The following ABL1 variants were observed in gnomAD, a reference collection of about 807,000 sequenced individuals.
The protein encoded by ABL1 is tyrosine-protein kinase ABL1.
ABL1 carries 11 observed loss-of-function variants against 94.7 expected under a neutral mutation model. That is an observed-to-expected ratio of 0.12 (90% CI 0.07 to 0.19). ABL1 has a LOEUF of 0.19. Ranked by LOEUF, ABL1 falls within the 10% of genes least tolerant of loss-of-function variation. The pLI is 1.00. For missense variants in ABL1, 1,082 were observed against 1,489.4 expected, an observed-to-expected ratio of 0.73 and a Z score of 4.50; for synonymous variants, 656 against 622.4, an observed-to-expected ratio of 1.05 and a Z score of -0.80.
At chr9:130,864,658 C>G (rs1052457282) in intron 4 of ABL1, among the ~76,000 whole-genome samples, 1 of 152,182 alleles carries the variant, frequency 6.6e-6, no homozygotes, top group African/African-American at 2.4e-5. Context: ...TCATCTGAGA[C>G]ATAGGGTGGT....
At chr9:130,759,248 A>G (rs1033590770) in intron 1 of ABL1, among the ~76,000 whole-genome samples, 3 of 152,210 alleles carry the variant, frequency 2.0e-5, no homozygotes, top group African/African-American at 7.2e-5. Context: ...TTATGGTTGT[A>G]AGAGGATCAG....
chr9:130,718,334 A>AAG (rs1454930686), intron 1 of ABL1, among the ~76,000 whole-genome samples: 4 of 151,632 alleles, frequency 2.6e-5, no homozygotes, highest in African/African-American at 7.3e-5. Context: ...AAAAAAAAAA[A>AAG]AAAGAAACTA....
intron 8 of ABL1, among the ~76,000 whole-genome samples, chr9:130,879,746 A>G (rs995592552): frequency 6.6e-6 from 1 of 152,206 alleles, no homozygotes; most frequent in Non-Finnish European, 1.5e-5. Context: ...AAAGAACAAG[A>G]TAGAAGGTGA....
At position 130,863,886 on chromosome 9, in the gene ABL1, A is replaced by G. The variant is rs922047110; in HGVS notation, c.822+851A>G. 2.0e-5 allele frequency among the ~76,000 whole-genome samples: 3 copies of G among 152,168 alleles called. No individual in the cohort carries two copies. The highest frequency in any genetic ancestry group is 2.9e-5 in the Non-Finnish European group (2 of 68,028). On this transcript the variant is annotated intron_variant, in intron 4 of 10. Coordinates refer to ENST00000318560, the MANE Select transcript of ABL1 (RefSeq NM_005157.6). This position sits in a 1 kb window ranked among gnomAD's most constrained non-coding sequence, Gnocchi z 4.3. The stretch of plus-strand genomic sequence containing the variant: ...AAATCAAGAGAGGCAGCCCCTTTTT[A>G]GAGCTGTTAGAAAAGAACTGAAACA...
upstream of ABL1, chr9:130,834,140 G>C (rs1018828411): frequency 4.4e-6 from 2 of 452,754 alleles, no homozygotes; most frequent in African/African-American, 4.0e-5. Flanking sequence ...GAAGAATTGG[G>C]ATAATCTGTT....
At chr9:130,767,707 C>T (rs1004340959) in intron 1 of ABL1, among the ~76,000 whole-genome samples, 7 of 152,218 alleles carry the variant, frequency 4.6e-5, no homozygotes, top group Admixed American at 6.5e-5. Context: ...ACATTTGATT[C>T]CTCAGAGCAG....
chr9:130,716,843 C>T (rs570831756), intron 1 of ABL1, among the ~76,000 whole-genome samples: 5 of 151,570 alleles, frequency 3.3e-5, no homozygotes, highest in African/African-American at 7.3e-5. Context: ...CTCTGCCTCC[C>T]GGGTTCAAGC....
At chr9:130,784,267 CTG>C (rs1247507366) in intron 1 of ABL1, among the ~76,000 whole-genome samples, 1 of 152,144 alleles carries the variant, frequency 6.6e-6, no homozygotes, top group Non-Finnish European at 1.5e-5. Flanking sequence ...ATACAAATTT[CTG>C]TGTTTTTTTG....
intron 7 of ABL1, among the ~76,000 whole-genome samples, chr9:130,877,727 G>C (rs180901674): frequency 0.017 from 2,444 of 145,706 alleles, 332 homozygotes; most frequent in African/African-American, 0.058. Context: ...TACAACCTCC[G>C]TCTCCTGGGT....
At chr9:130,723,929 A>G (rs1362900782) in intron 1 of ABL1, among the ~76,000 whole-genome samples, 2 of 151,398 alleles carry the variant, frequency 1.3e-5, no homozygotes, top group Non-Finnish European at 2.9e-5. Context: ...CTCCTGCCTC[A>G]GCCTCCCGAG....
intron 1 of ABL1, among the ~76,000 whole-genome samples, chr9:130,725,973 C>T (rs1442448356): frequency 2.0e-5 from 3 of 149,628 alleles, no homozygotes; most frequent in Admixed American, 6.7e-5. Flanking sequence ...CTCAGCCTCT[C>T]GAGTAGCTGG....
rs570554340 is a variant in ABL1 at position 130,875,882 on chromosome 9, C to T, written c.1270+830C>T. Among the ~76,000 whole-genome samples the T allele has an allele frequency of 2.5e-3, 378 of 152,278 alleles. 3 individuals carry two copies. The highest frequency in any genetic ancestry group is 3.7e-3 in the Admixed American group (56 of 15,304). ...CGCTCTTGTTGCCCAGGCTGGAGTG[C>T]AGTGGCACGATCTTGGCTCACTGCA... On this transcript the variant is annotated intron_variant, in intron 7 of 10. Coordinates refer to ENST00000318560, the MANE Select transcript of ABL1 (RefSeq NM_005157.6).
At chr9:130,831,181 T>G (rs1040079384), upstream of ABL1, among the ~76,000 whole-genome samples, 7 of 152,174 alleles carry the variant, frequency 4.6e-5, no homozygotes, top group African/African-American at 7.2e-5. Context: ...CCCCTAAAGC[T>G]ACTAGCTATG....
chr9:130,722,651 G>A (rs961064096), intron 1 of ABL1, among the ~76,000 whole-genome samples: 1 of 152,020 alleles, frequency 6.6e-6, no homozygotes, highest in Admixed American at 6.6e-5. Context: ...CATTGCACCT[G>A]GCCATGTATG....
chr9:130,807,246 C>T (rs549134515), intron 1 of ABL1, among the ~76,000 whole-genome samples: 19 of 152,244 alleles, frequency 1.2e-4, no homozygotes, highest in African/African-American at 3.8e-4. Flanking sequence ...CTGTGTACTC[C>T]GTAACAGAAT....
intron 1 of ABL1, among the ~76,000 whole-genome samples, chr9:130,720,318 A>T (rs1323516667): frequency 6.6e-6 from 1 of 152,202 alleles, no homozygotes; most frequent in Non-Finnish European, 1.5e-5. Context: ...AATTTTAGTT[A>T]GGGTGGCTAG....
intron 4 of ABL1, among the ~76,000 whole-genome samples, chr9:130,864,105 A>C (rs1831118247): frequency 6.6e-6 from 1 of 152,174 alleles, no homozygotes; most frequent in Admixed American, 6.5e-5. Context: ...AGAAAAGATC[A>C]CATTCTTTAG....
chr9:130,808,139 A>G (rs976999235), intron 1 of ABL1, among the ~76,000 whole-genome samples: 1 of 151,396 alleles, frequency 6.6e-6, no homozygotes, highest in African/African-American at 2.4e-5. Context: ...TGTCAGTAAA[A>G]TTTTGACTTC....
chr9:130,869,338 G>A (rs896230129), intron 4 of ABL1, among the ~76,000 whole-genome samples: 5 of 152,184 alleles, frequency 3.3e-5, no homozygotes, highest in African/African-American at 4.8e-5. Context: ...AGCAAGCACC[G>A]CTGAGTGAGT....
Sources: allele counts gnomAD v4.1 joint callset (sites outside exome capture counted in the v4.1 genomes callset), GRCh38; gene constraint gnomAD v4.1.1; non-coding constraint Gnocchi (gnomAD v3.1); transcripts MANE v1.5; gene names NCBI Gene and HGNC (gene_info 2026-07-23, HGNC 2026-07-21).